COLGALT2: variants seen among roughly 807,000 people sequenced by gnomAD.
COLGALT2 encodes the protein collagen beta(1-O)galactosyltransferase 2, also known as procollagen galactosyltransferase 2.
In COLGALT2, 49 loss-of-function variants were observed where a neutral mutation model predicts 73.4. The observed-to-expected ratio is 0.67, with a 90% CI of 0.53 to 0.85. The LOEUF is 0.85. Among genes scored for constraint, COLGALT2 ranks in the 40% least tolerant of loss-of-function variants. COLGALT2 has a pLI of 0.00. For synonymous variants in COLGALT2, 295 were observed against 307.6 expected (o/e 0.96, Z 0.43); for missense variants, 722 against 790.2 (o/e 0.91, Z 1.03).
intron 1 of COLGALT2, among the ~76,000 whole-genome samples, chr1:184,005,052 C>T (rs1203137720): frequency 6.6e-6 from 1 of 152,220 alleles, no homozygotes; most frequent in Non-Finnish European, 1.5e-5. Context: ...AAAACAGAGG[C>T]ATGATGGAAT....
Position 183,973,644 on chromosome 1 carries a change from G to T in COLGALT2, c.599C>A (p.Ser200Tyr), listed in dbSNP as rs1348626200. 6.2e-7 allele frequency: 1 copy of T among 1,614,020 alleles called. No individual in the cohort carries two copies. Among genetic ancestry groups the T allele is most frequent in the Admixed American group, 1.7e-5 (1 of 60,006 alleles). Reference protein sequence around the residue: ...APMLESRGLYSNFWCGITPKG... With the variant: ...APMLESRGLYYNFWCGITPKG... The stretch of plus-strand genomic sequence containing the variant: ...AGGGGTGATTCCGCACCAGAAATTA[G>T]AATACAGGCCCCGAGACTCCAGCAT... Residue 200 changes from serine (S) to tyrosine (Y), a missense_variant, in exon 4 of 12, where the codon TCT (serine) becomes TAT (tyrosine). Transcript: ENST00000361927.
At chr1:183,996,048 T>C (rs562142673) in intron 1 of COLGALT2, among the ~76,000 whole-genome samples, 11 of 152,360 alleles carry the variant, frequency 7.2e-5, no homozygotes, top group African/African-American at 1.9e-4. Context: ...GTATTTTAAA[T>C]CTTATAGTAT....
At chr1:183,977,841 G>GAGAGAGAGAGAGAGAGAGAGAGAA (rs1558322952) in intron 2 of COLGALT2, among the ~76,000 whole-genome samples, 4 of 134,088 alleles carry the variant, frequency 3.0e-5, no homozygotes, top group African/African-American at 1.2e-4. Context: ...AGAGAAAGAA[G>GAGAGAGAGAGAGAGAGAGAGAGAA]AGAAGAGAAG....
intron 1 of COLGALT2, among the ~76,000 whole-genome samples, chr1:184,019,690 T>G (rs1481999568): frequency 6.6e-6 from 1 of 152,226 alleles, no homozygotes; most frequent in East Asian, 1.9e-4. Flanking sequence ...CAAATTGCTC[T>G]GTTTAGCCCA....
chr1:183,934,709 C>A (rs1669912206), downstream of COLGALT2, among the ~76,000 whole-genome samples: 2 of 152,130 alleles, frequency 1.3e-5, no homozygotes, highest in South Asian at 4.1e-4. Flanking sequence ...AGAAAGCCTC[C>A]TGGGAAGACA....
At chr1:183,941,385 G>A (rs1230586794) in intron 10 of COLGALT2, among the ~76,000 whole-genome samples, 1 of 152,216 alleles carries the variant, frequency 6.6e-6, no homozygotes, top group Non-Finnish European at 1.5e-5. Context: ...GCTGTGGCCA[G>A]GCTTCCTCCC....
chr1:183,944,429 A>T, intron 9 of COLGALT2, 106 bp from the exon 10 acceptor site: 1 of 1,280,356 alleles, frequency 7.8e-7, no homozygotes, highest in Non-Finnish European at 1.1e-6. Context: ...ACAGATTCAT[A>T]ACTGGAATCT....
At chr1:183,999,554 A>G (rs945528858) in intron 1 of COLGALT2, among the ~76,000 whole-genome samples, 2 of 152,096 alleles carry the variant, frequency 1.3e-5, no homozygotes, top group Non-Finnish European at 2.9e-5. Context: ...TCATGAAATA[A>G]TATATAAAGC....
intron 6 of COLGALT2, among the ~76,000 whole-genome samples, chr1:183,956,705 C>T (rs1157647895): frequency 6.6e-6 from 1 of 152,072 alleles, no homozygotes; most frequent in Non-Finnish European, 1.5e-5. Flanking sequence ...TTCCATCAAA[C>T]ATAGGCAGTC....
At chr1:183,983,729 G>A (rs192897211) in intron 1 of COLGALT2, among the ~76,000 whole-genome samples, 1 of 152,328 alleles carries the variant, frequency 6.6e-6, no homozygotes, top group East Asian at 1.9e-4. Flanking sequence ...CCCCTCAGGA[G>A]GAGCTGAGGC....
chr1:183,968,782 T>C (rs1440560049), intron 5 of COLGALT2, among the ~76,000 whole-genome samples: 1 of 152,118 alleles, frequency 6.6e-6, no homozygotes, highest in Non-Finnish European at 1.5e-5. Context: ...CAGTACCTCG[T>C]GGAGTGTGAG....
intron 1 of COLGALT2, among the ~76,000 whole-genome samples, chr1:183,987,785 G>A (rs1031113032): frequency 6.6e-6 from 1 of 152,204 alleles, no homozygotes; most frequent in Admixed American, 6.5e-5. Context: ...GGACTGTTGA[G>A]AATAGGCACA....
At chr1:184,010,044 G>C (rs1235195701) in intron 1 of COLGALT2, among the ~76,000 whole-genome samples, 1 of 152,144 alleles carries the variant, frequency 6.6e-6, no homozygotes, top group Non-Finnish European at 1.5e-5. Flanking sequence ...TCATCAAGGG[G>C]GAGGATCCTG....
At chr1:183,982,945 C>T (rs556042792) in intron 1 of COLGALT2, among the ~76,000 whole-genome samples, 1 of 152,310 alleles carries the variant, frequency 6.6e-6, no homozygotes, top group Admixed American at 6.5e-5. Context: ...TTGGTCTTAT[C>T]GTACGAAATG....
Position 183,940,772 on chromosome 1 carries a change from C to G in COLGALT2, c.1413G>C (p.Lys471Asn), listed in dbSNP as rs1195565893. The G allele has an allele frequency of 6.2e-7, 1 of 1,614,200 alleles. No individual in the cohort carries two copies. The highest frequency in any genetic ancestry group is 1.3e-5 in the African/African-American group (1 of 75,070). ...LDWELIYIGRKRMQVKEPEKA... is the reference protein window; with the variant it reads ...LDWELIYIGRNRMQVKEPEKA... ...TCTCTGGCTCCTTTACTTGCATCCT[C>G]TTCCTACCAATATAACTGTAAGGAA... Residue 471 changes from lysine (K) to asparagine (N), a missense_variant, in exon 11 of 12, where the codon AAG (lysine) becomes AAC (asparagine). Lys to Asn is a moderately conservative substitution (Grantham distance 94, BLOSUM62 0). Coordinates refer to ENST00000361927, the MANE Select transcript of COLGALT2 (RefSeq NM_015101.4).
intron 1 of COLGALT2, among the ~76,000 whole-genome samples, chr1:184,016,258 C>T (rs967293361): frequency 2.6e-5 from 4 of 152,182 alleles, no homozygotes; most frequent in African/African-American, 7.2e-5. Context: ...TGGAGTGGGA[C>T]TTCTCATGCT....
intron 1 of COLGALT2, among the ~76,000 whole-genome samples, chr1:184,031,817 A>ATCCTT (rs1553213526): frequency 7.2e-6 from 1 of 139,190 alleles, no homozygotes; most frequent in African/African-American, 2.7e-5. Context: ...CCATGAATGT[A>ATCCTT]TCCTTCCTTC....
At chr1:183,972,676 G>A (rs1451207262) in intron 4 of COLGALT2, among the ~76,000 whole-genome samples, 1 of 151,550 alleles carries the variant, frequency 6.6e-6, no homozygotes, top group African/African-American at 2.4e-5. Flanking sequence ...ATACATCGAA[G>A]GTCATTGAAA....
intron 1 of COLGALT2, among the ~76,000 whole-genome samples, chr1:184,031,973 T>G (rs1049765289): frequency 6.6e-6 from 1 of 151,274 alleles, no homozygotes; most frequent in African/African-American, 2.4e-5. Flanking sequence ...CTCGGCTTGC[T>G]GCAACCTCCA....
Sources: allele counts gnomAD v4.1 joint callset (sites outside exome capture counted in the v4.1 genomes callset), GRCh38; gene constraint gnomAD v4.1.1; transcripts MANE v1.5; gene names NCBI Gene and HGNC (gene_info 2026-07-23, HGNC 2026-07-21).